FDFT1: variants seen among roughly 807,000 people sequenced by gnomAD.
FDFT1 encodes farnesyl-diphosphate farnesyltransferase 1.
In FDFT1, 68 loss-of-function variants were observed where a neutral mutation model predicts 46.8. The observed-to-expected ratio is 1.45, with a 90% CI of 1.19 to 1.78. The LOEUF (loss-of-function observed/expected upper bound fraction) is 1.78, where lower values mean the gene tolerates loss of function less well. Ranked by LOEUF, FDFT1 falls within the 40% of genes most tolerant of loss-of-function variation. The pLI is 0.00. For missense variants in FDFT1, 928 were observed against 524.4 expected (o/e 1.77, Z -7.52); for synonymous variants, 351 against 185.1 (o/e 1.90, Z -7.28).
chr8:11,832,836 A>G (rs1337920218), intron 7 of FDFT1, among the ~76,000 whole-genome samples: 2 of 152,088 alleles, frequency 1.3e-5, no homozygotes, highest in Non-Finnish European at 1.5e-5. Context: ...CAAGACCCTC[A>G]TCATTTTTCC....
chr8:11,833,053 G>A (rs186126345), intron 7 of FDFT1, among the ~76,000 whole-genome samples: 4 of 152,240 alleles, frequency 2.6e-5, no homozygotes, highest in Admixed American at 2.6e-4. Context: ...CAGAAATGCT[G>A]TATGTCCAGA....
At chr8:11,836,201 A>G (rs1274551840) in intron 7 of FDFT1, among the ~76,000 whole-genome samples, 1 of 152,020 alleles carries the variant, frequency 6.6e-6, no homozygotes, top group Admixed American at 6.6e-5. Flanking sequence ...CTTACCTGAG[A>G]AACTATTCTC....
At chr8:11,809,127 T>G in intron 2 of FDFT1, 1 of 1,320,622 alleles carries the variant, frequency 7.6e-7, no homozygotes, top group Non-Finnish European at 9.7e-7. Context: ...GGGTGATGTT[T>G]ATTAACTTTT....
In FDFT1 at chr8:11,803,383, T is replaced by C. The variant is rs551173714; in HGVS notation, c.99+452T>C. The stretch of plus-strand genomic sequence containing the variant: ...TGACTCCTCCAGTTTCACCACCTCT[T>C]CCGGAGCTCTCCCCGCCTTGCTGCC... On this transcript the variant is annotated intron_variant, in intron 1 of 7. Transcript: ENST00000220584. The C allele has an allele frequency of 3.1e-6, 4 of 1,289,664 alleles. No homozygotes were observed. The African/African-American group carries it at 6.1e-5, about 20-fold the overall frequency. 79.9% of individuals were successfully genotyped at this position (1,289,664 alleles called of 1,614,324 possible).
chr8:11,808,991 C>T, intron 2 of FDFT1, 100 bp downstream of exon 2: 3 of 1,507,970 alleles, frequency 2.0e-6, no homozygotes, highest in East Asian at 2.5e-5. Context: ...AGCGTTGCAG[C>T]CTCGTTGCTG....
intron 1 of FDFT1, among the ~76,000 whole-genome samples, chr8:11,806,089 A>G (rs1806790553): frequency 6.6e-6 from 1 of 152,138 alleles, no homozygotes; most frequent in Non-Finnish European, 1.5e-5. Flanking sequence ...GAGGGCTGGT[A>G]GCTGGTAGCT....
chr8:11,828,101 C>G (rs551859847), intron 5 of FDFT1, among the ~76,000 whole-genome samples: 156 of 151,808 alleles, frequency 1.0e-3, no homozygotes, highest in African/African-American at 3.6e-3. Context: ...ACTTGGGAGG[C>G]TGATGTGAGA....
chr8:11,818,066 G>C (rs1029459388), intron 3 of FDFT1, among the ~76,000 whole-genome samples: 1 of 152,088 alleles, frequency 6.6e-6, no homozygotes, highest in Non-Finnish European at 1.5e-5. Context: ...TTGTGTCTTT[G>C]TTCTCATTGG....
At chr8:11,797,226 C>A (rs887360446) in intron 1 of FDFT1, among the ~76,000 whole-genome samples, 1 of 152,190 alleles carries the variant, frequency 6.6e-6, no homozygotes, top group Non-Finnish European at 1.5e-5. Flanking sequence ...GGAGTCGAAT[C>A]TCGCCTTCTA....
rs10089896 is a variant in FDFT1 at position 11,838,552 on chromosome 8, G to A, written c.1197G>A (p.Gln399=). Residue 399 remains glutamine (Q), a synonymous_variant, in exon 8 of 8, where the codon CAG becomes CAA. Coordinates refer to ENST00000220584, the MANE Select transcript of FDFT1 (RefSeq NM_004462.5). The part of the protein sequence containing the change: ...FVMLLAALSW[Q]YLTTLSQVTE... ...TGCTTTTGGCTGCCCTGAGCTGGCAGTACCTGACCACTCTCTCCCAGGTAA... is the reference window on the plus strand; with the variant it reads ...TGCTTTTGGCTGCCCTGAGCTGGCAATACCTGACCACTCTCTCCCAGGTAA... 1,909 of 1,613,410 alleles carry A rather than the reference G, an allele frequency of 1.2e-3. 21 individuals are homozygous for A. The African/African-American group carries it at 0.022, about 19-fold the overall frequency.
At chr8:11,815,071 A>T (rs111558794) in intron 3 of FDFT1, among the ~76,000 whole-genome samples, 67 of 151,398 alleles carry the variant, frequency 4.4e-4, no homozygotes, top group African/African-American at 1.6e-3. Context: ...CCTTGTGTCC[A>T]TGTGTTCTCA....
rs1343903283 is a variant in FDFT1 at position 11,826,203 on chromosome 8, C to G, written c.690C>G (p.Phe230Leu). ...AAGACCAGCAAGGAGGAAGAGAGTTCTGGCCTCAAGAGGTAACAGATTCAG... is the reference window on the plus strand; with the variant it reads ...AAGACCAGCAAGGAGGAAGAGAGTTGTGGCCTCAAGAGGTAACAGATTCAG... ...YLEDQQGGRE[F>L]WPQEVWSRYV... Residue 230 changes from phenylalanine to leucine, a missense_variant, in exon 5 of 8, where the codon TTC becomes TTG. Physicochemically the swap from Phe to Leu is conservative, Grantham distance 22. Transcript: ENST00000220584. 3 of 1,555,288 alleles carry G rather than the reference C, an allele frequency of 1.9e-6. No individual in the cohort carries two copies. The highest frequency in any genetic ancestry group is 2.6e-6 in the Non-Finnish European group (3 of 1,138,438).
intron 7 of FDFT1, among the ~76,000 whole-genome samples, chr8:11,835,991 A>AAAAAAAAAAAAAAAAAAC (rs1244500548): frequency 6.8e-6 from 1 of 147,998 alleles, no homozygotes; most frequent in African/African-American, 2.5e-5. Flanking sequence ...AAAAAAAAAA[A>AAAAAAAAAAAAAAAAAAC]AAAATACAAA....
Position 11,831,628 on chromosome 8 carries a change from T to A in FDFT1, c.990T>A (p.Asn330Lys), listed in dbSNP as rs755231037. 1.2e-6 allele frequency: 2 copies of A among 1,614,060 alleles called. No homozygotes were observed. The highest frequency in any genetic ancestry group is 1.7e-6 in the Non-Finnish European group (2 of 1,179,894). The stretch of plus-strand genomic sequence containing the variant: ...TGACCCTGATGATGGATGCCACCAA[T>A]ATGCCAGCTGTCAAAGCCATCATAT... ...QAVTLMMDAT[N>K]MPAVKAIIYQ... The change falls in exon 7 of 8, where the codon AAT (asparagine) becomes AAA (lysine). Residue 330 changes from asparagine to lysine, a missense_variant. By Grantham distance (94) the Asn-to-Lys change is moderately conservative (BLOSUM62 0). Coordinates refer to ENST00000220584, the MANE Select transcript of FDFT1 (RefSeq NM_004462.5).
chr8:11,835,404 G>A (rs1811399963), intron 7 of FDFT1, among the ~76,000 whole-genome samples: 1 of 152,140 alleles, frequency 6.6e-6, no homozygotes, highest in Non-Finnish European at 1.5e-5. Flanking sequence ...TTCCAGTTGT[G>A]CTGTCATGCT....
chr8:11,829,000 C>G lies in FDFT1; in HGVS notation c.703-1244C>G, dbSNP rs188684153. 1.4e-3 allele frequency among the ~76,000 whole-genome samples: 215 copies of G among 152,048 alleles called. 1 individual carries two copies. Among genetic ancestry groups the G allele is most frequent in the African/African-American group, 3.8e-3 (158 of 41,484 alleles). ...AAGTTTTTGTGTAGATGTGTGTTTTCCTTTTTCTTGGGTCTATGCTGAGAA... is the reference window on the plus strand; with the variant it reads ...AAGTTTTTGTGTAGATGTGTGTTTTGCTTTTTCTTGGGTCTATGCTGAGAA... On this transcript the variant is annotated intron_variant, in intron 5 of 7. Transcript: ENST00000220584.
Position 11,808,822 on chromosome 8 carries a change from G to GCTA in FDFT1, c.130_132dup (p.Tyr44dup), listed in dbSNP as rs1431887403. ...TCGCTCAGCAGCAGCCTGAAAACTT[G>GCTA]CTACAAGTATCTCAATCAGACCAGT... is the stretch of plus-strand genomic sequence containing the variant. On this transcript the variant is annotated inframe_insertion, in exon 2 of 8. Transcript: ENST00000220584. 1 of 1,613,846 alleles carries GCTA rather than the reference G, an allele frequency of 6.2e-7. No homozygotes were observed. The highest frequency in any genetic ancestry group is 8.5e-7 in the Non-Finnish European group (1 of 1,179,992).
chr8:11,801,695 GTTTTT>G (rs34528992), upstream of FDFT1: 2 of 241,610 alleles, frequency 8.3e-6, no homozygotes, highest in East Asian at 1.4e-4. Flanking sequence ...TAGCCAGTAG[GTTTTT>G]TTTTTTTTTT....
In FDFT1 at chr8:11,802,756, C is replaced by A; in HGVS notation, c.-77C>A. On this transcript the variant is annotated 5_prime_UTR_variant, in exon 1 of 8. Coordinates refer to ENST00000220584, the MANE Select transcript of FDFT1 (RefSeq NM_004462.5). ...CCAGCCCCTCGAAGCACCTACTCCACAGGTCCAGCCGGCCGGTGAGCGCCT... is the reference window on the plus strand; with the variant it reads ...CCAGCCCCTCGAAGCACCTACTCCAAAGGTCCAGCCGGCCGGTGAGCGCCT... 1 of 1,168,586 alleles carries A rather than the reference C, an allele frequency of 8.6e-7. No homozygotes were observed. The highest frequency in any genetic ancestry group is 1.3e-6 in the Non-Finnish European group (1 of 798,032). 72.4% of individuals were successfully genotyped at this position (1,168,586 alleles called of 1,614,324 possible).
Sources: allele counts gnomAD v4.1 joint callset (sites outside exome capture counted in the v4.1 genomes callset), GRCh38; gene constraint gnomAD v4.1.1; transcripts MANE v1.5; gene names NCBI Gene and HGNC (gene_info 2026-07-23, HGNC 2026-07-21).